The following ZHX2 variants were observed in gnomAD, a reference collection of about 807,000 sequenced individuals.
ZHX2 encodes the protein zinc fingers and homeoboxes protein 2.
ZHX2 carries 6 observed loss-of-function variants against 21.9 expected under a neutral mutation model. That is an observed-to-expected ratio of 0.27 (90% confidence interval 0.15 to 0.54). The LOEUF is 0.54. ZHX2 is among the 20% of genes least tolerant of loss of function. The pLI is 0.95. For missense variants in ZHX2, 908 were observed against 1,090.7 expected (o/e 0.83, Z 2.36); for synonymous variants, 434 against 437.1 (o/e 0.99, Z 0.09).
chr8:122,931,517 A>G (rs1187965442), intron 2 of ZHX2, among the ~76,000 whole-genome samples: 3 of 152,204 alleles, frequency 2.0e-5, no homozygotes, highest in Non-Finnish European at 4.4e-5. Flanking sequence ...CAGCTTAAAG[A>G]CAGATTTAGC....
chr8:122,841,735 G>A (rs1172361351), intron 1 of ZHX2, among the ~76,000 whole-genome samples: 1 of 152,162 alleles, frequency 6.6e-6, no homozygotes, highest in African/African-American at 2.4e-5. Context: ...CCCTGCTTTT[G>A]TGGAGCTGAT....
At chr8:122,926,859 G>C (rs1029968088) in intron 2 of ZHX2, among the ~76,000 whole-genome samples, 1 of 152,104 alleles carries the variant, frequency 6.6e-6, no homozygotes, top group Non-Finnish European at 1.5e-5. Context: ...CTGCTCTTCT[G>C]TCTGGAATCT....
chr8:122,918,398 C>T (rs1213987182), intron 2 of ZHX2, among the ~76,000 whole-genome samples: 1 of 152,226 alleles, frequency 6.6e-6, no homozygotes, highest in Non-Finnish European at 1.5e-5. Context: ...GAACTTTAAT[C>T]CTGGCTTCCA....
chr8:122,950,412 G>A (rs751812060), intron 2 of ZHX2, among the ~76,000 whole-genome samples: 5 of 152,132 alleles, frequency 3.3e-5, no homozygotes, highest in South Asian at 2.1e-4. Flanking sequence ...GTCACACACC[G>A]GGGCCTGTTG....
chr8:122,954,152 A>G (rs1813233762), intron 3 of ZHX2, 124 bp downstream of exon 3: 10 of 843,420 alleles, frequency 1.2e-5, no homozygotes, highest in Non-Finnish European at 1.8e-5. Context: ...TTTTTCTTGT[A>G]ATTAACAAAT....
intron 2 of ZHX2, among the ~76,000 whole-genome samples, chr8:122,867,919 C>T (rs1043485414): frequency 6.6e-6 from 1 of 152,226 alleles, no homozygotes; most frequent in African/African-American, 2.4e-5. Flanking sequence ...CAAATGACTC[C>T]TGTTAGTTTT....
chr8:122,878,848 C>T (rs1165594592), intron 2 of ZHX2, among the ~76,000 whole-genome samples: 2 of 152,300 alleles, frequency 1.3e-5, no homozygotes, highest in Middle Eastern at 3.4e-3. Flanking sequence ...CATATAATTT[C>T]TTCTGCTCTA....
intron 2 of ZHX2, among the ~76,000 whole-genome samples, chr8:122,866,279 G>A (rs1020963595): frequency 7.9e-5 from 12 of 152,284 alleles, no homozygotes; most frequent in African/African-American, 2.9e-4. Context: ...GACAAACAGC[G>A]TGTCGCCAGA....
At chr8:122,800,062 G>A (rs1300998480) in intron 1 of ZHX2, among the ~76,000 whole-genome samples, 2 of 152,094 alleles carry the variant, frequency 1.3e-5, no homozygotes, top group Admixed American at 1.3e-4. Flanking sequence ...TCACATGTTG[G>A]TCAGGCTGGT....
intron 1 of ZHX2, among the ~76,000 whole-genome samples, chr8:122,799,316 G>A (rs908484906): frequency 6.6e-6 from 1 of 152,168 alleles, no homozygotes; most frequent in Non-Finnish European, 1.5e-5. Context: ...CACAGAGAAA[G>A]AAAATGACAC....
In ZHX2 at chr8:122,820,249, G is replaced by T. The variant is rs543214455; in HGVS notation, c.-283+38303G>T. On this transcript the variant is annotated intron_variant, in intron 1 of 3. Transcript: ENST00000314393. ...AGAGGAAGTCCAGGCTGTGGGGCTG[G>T]CTGTGGCCTCCTCGCAGGCCAGGGA... is the stretch of plus-strand genomic sequence containing the variant. Among the ~76,000 whole-genome samples, 341 of 152,316 alleles carry T rather than the reference G, an allele frequency of 2.2e-3. 1 individual carries two copies. The highest frequency in any genetic ancestry group is 4.1e-3 in the Non-Finnish European group (277 of 68,022).
intron 2 of ZHX2, among the ~76,000 whole-genome samples, chr8:122,879,632 G>A (rs759494916): frequency 2.6e-5 from 4 of 151,942 alleles, no homozygotes; most frequent in Non-Finnish European, 5.9e-5. Flanking sequence ...AGTAAGTGAG[G>A]CCCAGTTATG....
In ZHX2 at chr8:122,953,355, C is replaced by T. The variant is rs747355311; in HGVS notation, c.1845C>T (p.Asp615=). Reference sequence around the variant, plus strand: ...CCAATGGTGCTCTGTCTCGACTCGACCAGCTCTCCGGTGCCCAGTTAACAA... The same window carrying T: ...CCAATGGTGCTCTGTCTCGACTCGATCAGCTCTCCGGTGCCCAGTTAACAA... The part of the protein sequence containing the change: ...GAPNGALSRL[D]QLSGAQLTSS... Residue 615 remains aspartate, a synonymous_variant, in exon 3 of 4, where the codon GAC becomes GAT. Transcript: ENST00000314393. The surrounding 1 kb of genome is among the most constrained non-coding windows in gnomAD (Gnocchi z 4.6). 1.2e-6 allele frequency: 2 copies of T among 1,614,000 alleles called. No homozygotes were observed. Among genetic ancestry groups the T allele is most frequent in the Admixed American group, 1.7e-5 (1 of 59,996 alleles).
At chr8:122,858,996 G>T (rs557990393) in intron 1 of ZHX2, among the ~76,000 whole-genome samples, 5 of 152,208 alleles carry the variant, frequency 3.3e-5, no homozygotes, top group Non-Finnish European at 5.9e-5. Context: ...GGAACAGAAG[G>T]CTCCACTCGG....
intron 3 of ZHX2, among the ~76,000 whole-genome samples, chr8:122,966,341 T>G (rs1282241326): frequency 7.2e-5 from 11 of 152,256 alleles, no homozygotes; most frequent in Admixed American, 7.2e-4. Flanking sequence ...CTTGTAGCAC[T>G]GCTTTGGTAG....
chr8:122,807,429 C>A (rs1166330762), intron 1 of ZHX2, among the ~76,000 whole-genome samples: 1 of 152,186 alleles, frequency 6.6e-6, no homozygotes, highest in African/African-American at 2.4e-5. Context: ...AAAACAGTGT[C>A]ATCAGCGTTA....
upstream of ZHX2, chr8:122,780,726 G>C (rs1817260836): frequency 6.6e-6 from 1 of 152,212 alleles, no homozygotes; most frequent in African/African-American, 2.4e-5. Context: ...CTCCCACTGG[G>C]AACATTGGAG....
At chr8:122,785,905 C>T (rs1817385327) in intron 1 of ZHX2, among the ~76,000 whole-genome samples, 1 of 152,112 alleles carries the variant, frequency 6.6e-6, no homozygotes, top group Non-Finnish European at 1.5e-5. Context: ...CTGAAGGTCA[C>T]GTGTTTGGGG....
chr8:122,801,879 G>A (rs1055669402), intron 1 of ZHX2, among the ~76,000 whole-genome samples: 2 of 152,140 alleles, frequency 1.3e-5, no homozygotes, highest in African/African-American at 4.8e-5. Context: ...CGTTGACTTG[G>A]AACTTTTCTA....
Sources: allele counts gnomAD v4.1 joint callset (sites outside exome capture counted in the v4.1 genomes callset), GRCh38; gene constraint gnomAD v4.1.1; non-coding constraint Gnocchi (gnomAD v3.1); transcripts MANE v1.5; gene names NCBI Gene and HGNC (gene_info 2026-07-23, HGNC 2026-07-21).